Variants in PPARGC1A observed in about 807,000 individuals in gnomAD.
PPARGC1A encodes the protein peroxisome proliferator-activated receptor gamma coactivator 1-alpha.
PPARGC1A carries 25 observed loss-of-function variants against 88.7 expected under a neutral mutation model. That is an observed-to-expected ratio of 0.28 (90% CI 0.21 to 0.39). The LOEUF (loss-of-function observed/expected upper bound fraction) is 0.39, where lower values mean the gene tolerates loss of function less well. Ranked by LOEUF, PPARGC1A falls within the 10% of genes least tolerant of loss-of-function variation. The pLI is 1.00. For synonymous variants in PPARGC1A, 363 were observed against 355.6 expected, an observed-to-expected ratio of 1.02 and a Z score of -0.24; for missense variants, 880 against 968.7, an observed-to-expected ratio of 0.91 and a Z score of 1.22.
At chr4:24,012,872 C>T in the PPARGC1A span, among the ~76,000 whole-genome samples, 6 of 152,098 alleles carry the variant, frequency 3.9e-5, no homozygotes, top group African/African-American at 1.2e-4. Context: ...GAAGGAGAAA[C>T]AAGGTTTTGT....
At chr4:23,888,961 C>A in intron 1 of PPARGC1A, 1 of 985,368 alleles carries the variant, frequency 1.0e-6, no homozygotes, top group Non-Finnish European at 1.2e-6. Context: ...GAAAGTTTTG[C>A]TTGTTTCCCA....
At chr4:24,001,859 C>G in the PPARGC1A span, among the ~76,000 whole-genome samples, 22,103 of 152,010 alleles carry the variant, frequency 0.15, 2,347 homozygotes, top group Admixed American at 0.32. Context: ...TAGACTGTGG[C>G]ACCGAAACAG....
the PPARGC1A span, among the ~76,000 whole-genome samples, chr4:24,255,651 AG>A: frequency 6.6e-6 from 1 of 152,196 alleles, no homozygotes; most frequent in African/African-American, 2.4e-5. Flanking sequence ...CCAGGCTTTT[AG>A]GAATGATGTT....
chr4:24,421,682 G>A, the PPARGC1A span, among the ~76,000 whole-genome samples: 25 of 152,298 alleles, frequency 1.6e-4, no homozygotes, highest in South Asian at 5.2e-3. Context: ...CCCCTGCTGT[G>A]AGTCCTTCCT....
At chr4:24,244,774 C>T in the PPARGC1A span, among the ~76,000 whole-genome samples, 1 of 152,150 alleles carries the variant, frequency 6.6e-6, no homozygotes, top group Admixed American at 6.5e-5. Flanking sequence ...AGACAGCCCC[C>T]ACAACAAAGA....
At position 23,802,350 on chromosome 4, in the gene PPARGC1A, G is replaced by C. The variant is rs1374982298; in HGVS notation, c.2020-5C>G. ...ATAAATCACACGGCGCTCTTCCTATGGGGGGAAGGAAGGAGAGAGTTCTGG... is the reference window on the plus strand; with the variant it reads ...ATAAATCACACGGCGCTCTTCCTATCGGGGGAAGGAAGGAGAGAGTTCTGG... On this transcript the variant is annotated splice_region_variant and splice_polypyrimidine_tract_variant and intron_variant, in intron 10 of 12. Coordinates refer to ENST00000264867, the MANE Select transcript of PPARGC1A (RefSeq NM_013261.5). 6.2e-7 allele frequency: 1 copy of C among 1,613,820 alleles called. No homozygotes were observed. The highest frequency in any genetic ancestry group is 8.5e-7 in the Non-Finnish European group (1 of 1,179,870).
the PPARGC1A span, among the ~76,000 whole-genome samples, chr4:23,999,254 T>C: frequency 6.6e-6 from 1 of 152,210 alleles, no homozygotes; most frequent in Admixed American, 6.5e-5. Context: ...ATGAAAGCAT[T>C]GTCTGTTTGC....
the PPARGC1A span, among the ~76,000 whole-genome samples, chr4:24,227,234 G>T: frequency 1.3e-5 from 2 of 151,998 alleles, no homozygotes; most frequent in Non-Finnish European, 2.9e-5. Context: ...ACAGGCACAC[G>T]CCGCCATGCC....
At chr4:24,294,168 C>T in the PPARGC1A span, among the ~76,000 whole-genome samples, 1 of 152,168 alleles carries the variant, frequency 6.6e-6, no homozygotes, top group African/African-American at 2.4e-5. Context: ...AGGCTGAACT[C>T]AGGGGCCCGT....
At chr4:24,365,739 T>C in the PPARGC1A span, among the ~76,000 whole-genome samples, 1 of 152,174 alleles carries the variant, frequency 6.6e-6, no homozygotes, top group African/African-American at 2.4e-5. Flanking sequence ...AAGTAAACAC[T>C]GAGGTCTTTA....
At chr4:24,292,253 ACT>A in the PPARGC1A span, among the ~76,000 whole-genome samples, 5 of 152,028 alleles carry the variant, frequency 3.3e-5, no homozygotes, top group Admixed American at 3.3e-4. Flanking sequence ...GCGAGCGAGA[ACT>A]CTCGCGGGTT....
At chr4:24,337,223 C>T in the PPARGC1A span, among the ~76,000 whole-genome samples, 1 of 152,240 alleles carries the variant, frequency 6.6e-6, no homozygotes, top group Non-Finnish European at 1.5e-5. Flanking sequence ...CTCTGACTCT[C>T]ACCGCCCCAC....
chr4:23,923,445 T>C, the PPARGC1A span, among the ~76,000 whole-genome samples: 2 of 152,096 alleles, frequency 1.3e-5, no homozygotes, highest in Admixed American at 6.5e-5. Flanking sequence ...ATATGAGAAA[T>C]ATTACTGTCC....
chr4:24,277,259 T>C, the PPARGC1A span, among the ~76,000 whole-genome samples: 1 of 152,106 alleles, frequency 6.6e-6, no homozygotes, highest in African/African-American at 2.4e-5. Flanking sequence ...TTGTATTTTT[T>C]ATAGAGACGG....
At chr4:23,992,602 C>T in the PPARGC1A span, among the ~76,000 whole-genome samples, 2,392 of 152,130 alleles carry the variant, frequency 0.016, 63 homozygotes, top group African/African-American at 0.055. Context: ...TCAGACACAG[C>T]TAAATGAAGG....
At chr4:24,113,466 A>C in the PPARGC1A span, among the ~76,000 whole-genome samples, 1 of 152,190 alleles carries the variant, frequency 6.6e-6, no homozygotes. Flanking sequence ...TTGGGTATTC[A>C]TTGCCTGAGA....
chr4:24,440,340 G>A, the PPARGC1A span, among the ~76,000 whole-genome samples: 1 of 152,120 alleles, frequency 6.6e-6, no homozygotes, highest in South Asian at 2.1e-4. Flanking sequence ...CTCCTCATCG[G>A]TTTTTTCCTT....
chr4:24,133,197 T>C, the PPARGC1A span, among the ~76,000 whole-genome samples: 1 of 151,966 alleles, frequency 6.6e-6, no homozygotes, highest in African/African-American at 2.4e-5. Context: ...TGGGGGGTGG[T>C]GGTGGGGGGG....
chr4:24,331,591 G>T, the PPARGC1A span, among the ~76,000 whole-genome samples: 4 of 152,084 alleles, frequency 2.6e-5, no homozygotes, highest in Non-Finnish European at 5.9e-5. Flanking sequence ...ATAAATGAAT[G>T]CATATTTGTT....
Sources: allele counts gnomAD v4.1 joint callset (sites outside exome capture counted in the v4.1 genomes callset), GRCh38; gene constraint gnomAD v4.1.1; transcripts MANE v1.5; gene names NCBI Gene and HGNC (gene_info 2026-07-23, HGNC 2026-07-21).